CCDC7: variants seen among roughly 807,000 people sequenced by gnomAD.
CCDC7 encodes the protein coiled-coil domain-containing protein 7.
In CCDC7, 183 loss-of-function variants were observed where a neutral mutation model predicts 196.9. The observed-to-expected ratio is 0.93, with a 90% CI of 0.82 to 1.05. The LOEUF (loss-of-function observed/expected upper bound fraction) is 1.05, where lower values mean the gene tolerates loss of function less well. CCDC7 is among the 50% of genes least tolerant of loss of function. The probability of loss-of-function intolerance (pLI) is 0.00; values close to 1 mark genes in which losing one functional copy is unlikely to be tolerated. For missense variants in CCDC7, 1,540 were observed against 1,482.2 expected, an observed-to-expected ratio of 1.04 and a Z score of -0.64; for synonymous variants, 525 against 484.6, an observed-to-expected ratio of 1.08 and a Z score of -1.10.
intron 20 of CCDC7, among the ~76,000 whole-genome samples, chr10:32,640,730 C>G (rs1293925070): frequency 6.6e-6 from 1 of 152,054 alleles, no homozygotes; most frequent in Non-Finnish European, 1.5e-5. Context: ...TCAGCATTTG[C>G]TTGTCCGTAA....
intron 21 of CCDC7, among the ~76,000 whole-genome samples, chr10:32,673,024 C>CT (rs1207931652): frequency 6.6e-6 from 1 of 152,110 alleles, no homozygotes; most frequent in East Asian, 1.9e-4. Flanking sequence ...TGTGGATACT[C>CT]TGTTTCCCCA....
intron 20 of CCDC7, among the ~76,000 whole-genome samples, chr10:32,649,166 G>A (rs2068286469): frequency 6.6e-6 from 1 of 152,204 alleles, no homozygotes; most frequent in Admixed American, 6.5e-5. Context: ...GGGAGTTGTG[G>A]TGGGAGGGAG....
chr10:32,661,745 A>G (rs1040694674), intron 20 of CCDC7, among the ~76,000 whole-genome samples: 1 of 152,214 alleles, frequency 6.6e-6, no homozygotes, highest in African/African-American at 2.4e-5. Flanking sequence ...CTGAGCTGGT[A>G]TCCAAGATAC....
chr10:32,812,083 A>AT (rs2087274309), intron 30 of CCDC7, among the ~76,000 whole-genome samples: 1 of 152,138 alleles, frequency 6.6e-6, no homozygotes, highest in African/African-American at 2.4e-5. Flanking sequence ...AAGTCCATAT[A>AT]TGACAGACCC....
chr10:32,562,569 G>C (rs1334017879), intron 13 of CCDC7, among the ~76,000 whole-genome samples: 2 of 152,172 alleles, frequency 1.3e-5, no homozygotes, highest in Non-Finnish European at 2.9e-5. Flanking sequence ...TATCTCAATA[G>C]ATGCAGGAAA....
intron 8 of CCDC7, among the ~76,000 whole-genome samples, chr10:32,486,496 C>A (rs2041119919): frequency 6.9e-6 from 1 of 145,490 alleles, no homozygotes; most frequent in Non-Finnish European, 1.5e-5. Flanking sequence ...AGCCCATTTA[C>A]ATTTAAGGTT....
intron 6 of CCDC7, among the ~76,000 whole-genome samples, chr10:32,471,693 G>A (rs993648608): frequency 1.3e-5 from 2 of 152,024 alleles, no homozygotes; most frequent in African/African-American, 2.4e-5. Flanking sequence ...ACATTTATAA[G>A]CAACCATGTT....
exon 27 of CCDC7, chr10:32,728,907 G>A (rs1485046035): frequency 1.2e-6 from 2 of 1,604,512 alleles, no homozygotes; most frequent in South Asian, 1.1e-5. Context: ...AGTACCAAAT[G>A]AAAATGTGAT....
chr10:32,560,770 G>A (rs1250252824), intron 13 of CCDC7, among the ~76,000 whole-genome samples: 2 of 151,804 alleles, frequency 1.3e-5, no homozygotes, highest in Non-Finnish European at 2.9e-5. Context: ...CAACTAACGA[G>A]CAAAATAACC....
At chr10:32,736,761 C>A (rs1272151005) in intron 28 of CCDC7, among the ~76,000 whole-genome samples, 4 of 152,010 alleles carry the variant, frequency 2.6e-5, no homozygotes, top group Admixed American at 6.6e-5. Context: ...TGTATATTAA[C>A]CTTGTATCTA....
intron 24 of CCDC7, among the ~76,000 whole-genome samples, chr10:32,698,970 C>T (rs549033095): frequency 6.6e-6 from 1 of 152,240 alleles, no homozygotes; most frequent in Non-Finnish European, 1.5e-5. Flanking sequence ...TCGGGTTAAC[C>T]ACAAAGGGAA....
intron 13 of CCDC7, among the ~76,000 whole-genome samples, chr10:32,550,460 A>C (rs1159575077): frequency 1.3e-5 from 2 of 152,088 alleles, no homozygotes; most frequent in Admixed American, 6.5e-5. Flanking sequence ...AGGAGTGGTG[A>C]GAATGGGCAT....
intron 29 of CCDC7, among the ~76,000 whole-genome samples, chr10:32,793,512 A>T (rs1031990518): frequency 6.6e-6 from 1 of 152,120 alleles, no homozygotes; most frequent in East Asian, 1.9e-4. Flanking sequence ...TTAGCTTTAC[A>T]ATTTACTTAT....
At chr10:32,547,589 T>TA (rs200971752) in intron 13 of CCDC7, among the ~76,000 whole-genome samples, 4 of 151,566 alleles carry the variant, frequency 2.6e-5, no homozygotes, top group South Asian at 4.2e-4. Flanking sequence ...CTTATTTTAT[T>TA]AAAAAAAAAT....
chr10:32,664,186 C>A (rs1013514833), intron 21 of CCDC7, 25 bp downstream of exon 22: 6 of 392,998 alleles, frequency 1.5e-5, no homozygotes, highest in Non-Finnish European at 2.2e-5. Context: ...TGTAGATAAC[C>A]TTAAAATAAT....
At chr10:32,647,710 A>G (rs949293559) in intron 20 of CCDC7, among the ~76,000 whole-genome samples, 9 of 151,910 alleles carry the variant, frequency 5.9e-5, no homozygotes, top group African/African-American at 1.9e-4. Context: ...TAATTTCCCT[A>G]TAGGTTCTGG....
rs1215516459 is a variant in CCDC7 at position 32,567,790 on chromosome 10, G to T, written c.1318G>T (p.Glu440Ter). ...TAATAGTCAAACAAAAGTTAAAGGT[G>T]AAGATTCAAAAAATATACCATTGGA... Residue 440 changes from glutamate (E) to a stop codon, truncating the protein, a stop_gained, in exon 15 of 42, where the codon GAA becomes TAA. Transcript: ENST00000639629. LOFTEE classifies it high-confidence loss of function. 1.2e-6 allele frequency: 2 copies of T among 1,613,454 alleles called. No individual in the cohort carries two copies. Among genetic ancestry groups the T allele is most frequent in the Non-Finnish European group, 1.7e-6 (2 of 1,179,782 alleles).
intron 28 of CCDC7, among the ~76,000 whole-genome samples, chr10:32,733,424 A>C (rs11009056): frequency 0.2 from 29,887 of 151,954 alleles, 4,645 homozygotes; most frequent in African/African-American, 0.44. Flanking sequence ...GATTTTTTTA[A>C]TTGAGGATAA....
chr10:32,612,680 GT>G (rs1254565551), intron 18 of CCDC7, among the ~76,000 whole-genome samples: 2 of 152,094 alleles, frequency 1.3e-5, no homozygotes, highest in Middle Eastern at 3.4e-3. Flanking sequence ...GATAATCGTG[GT>G]TTTTGTCACT....
Sources: allele counts gnomAD v4.1 joint callset (sites outside exome capture counted in the v4.1 genomes callset), GRCh38; gene constraint gnomAD v4.1.1; transcripts MANE v1.5; gene names NCBI Gene and HGNC (gene_info 2026-07-23, HGNC 2026-07-21).